The following NT5DC3 variants were observed in gnomAD, a reference collection of about 807,000 sequenced individuals.
NT5DC3 encodes the protein 5'-nucleotidase domain-containing protein 3.
Under a neutral mutation model 67.8 loss-of-function variants are expected in NT5DC3, and 42 were observed. That is an observed-to-expected ratio of 0.62 (90% confidence interval 0.48 to 0.80). The LOEUF is 0.80. Ranked by LOEUF, NT5DC3 falls within the 30% of genes least tolerant of loss-of-function variation. The probability of loss-of-function intolerance (pLI) is 0.00; values close to 1 mark genes in which losing one functional copy is unlikely to be tolerated. For synonymous variants in NT5DC3, 237 were observed against 255.6 expected, an observed-to-expected ratio of 0.93 and a Z score of 0.69; for missense variants, 570 against 696.4, an observed-to-expected ratio of 0.82 and a Z score of 2.04.
downstream of NT5DC3, chr12:103,771,162 G>C (rs1018378989): frequency 6.6e-6 from 1 of 152,196 alleles, no homozygotes; most frequent in Non-Finnish European, 1.5e-5. Flanking sequence ...TAATCTTCAT[G>C]GAAATGACCA....
intron 2 of NT5DC3, among the ~76,000 whole-genome samples, chr12:103,812,150 C>T (rs11111796): frequency 0.22 from 33,775 of 151,922 alleles, 4,302 homozygotes; most frequent in South Asian, 0.44. Context: ...AGGGTAATTA[C>T]GAAGGAGCTG....
At chr12:103,799,193 G>A (rs1239219290) in intron 4 of NT5DC3, among the ~76,000 whole-genome samples, 1 of 152,112 alleles carries the variant, frequency 6.6e-6, no homozygotes, top group Admixed American at 6.5e-5. Context: ...TAATACATTA[G>A]GGCAGAGAAA....
chr12:103,792,592 C>T (rs1566105537), intron 9 of NT5DC3, among the ~76,000 whole-genome samples: 1 of 152,254 alleles, frequency 6.6e-6, no homozygotes, highest in East Asian at 1.9e-4. Flanking sequence ...TTCCCTGATC[C>T]CTACCCACTA....
chr12:103,763,999 T>C, the NT5DC3 span, among the ~76,000 whole-genome samples: 2 of 151,770 alleles, frequency 1.3e-5, no homozygotes, highest in Admixed American at 6.6e-5. Flanking sequence ...TTTTTTTTTT[T>C]CTTTGAGATG....
the NT5DC3 span, chr12:103,762,384 C>A: frequency 2.5e-6 from 4 of 1,614,238 alleles, no homozygotes; most frequent in African/African-American, 1.3e-5. Context: ...GGAGAACAAT[C>A]GGCTTCCAGC....
downstream of NT5DC3, among the ~76,000 whole-genome samples, chr12:103,771,927 T>C (rs1355351594): frequency 2.0e-5 from 3 of 152,070 alleles, no homozygotes; most frequent in Non-Finnish European, 4.4e-5. Flanking sequence ...ACAGATTTGC[T>C]AGTGAGTCCA....
chr12:103,794,295 G>C (rs956160201), intron 6 of NT5DC3, among the ~76,000 whole-genome samples: 1 of 88,440 alleles, frequency 1.1e-5, no homozygotes, highest in African/African-American at 3.7e-5. Flanking sequence ...GATTACAGGC[G>C]CCCGCCAGCA....
In NT5DC3 at chr12:103,782,893, G is replaced by C. The variant is rs144181386; in HGVS notation, c.1329+2442C>G. Among the ~76,000 whole-genome samples the C allele has an allele frequency of 3.2e-3, 488 of 152,204 alleles. 4 individuals are homozygous for C. The highest frequency in any genetic ancestry group is 0.011 in the African/African-American group (462 of 41,530). ...CCCAGCTACTTGGGAGGCTGAGAGA[G>C]GAGAACTGCTTGAACCTGGGAGGTG... is the stretch of plus-strand genomic sequence containing the variant. On this transcript the variant is annotated intron_variant, in intron 12 of 13. Transcript: ENST00000392876.
At chr12:103,752,524 T>G in the NT5DC3 span, among the ~76,000 whole-genome samples, 1 of 152,224 alleles carries the variant, frequency 6.6e-6, no homozygotes, top group South Asian at 2.1e-4. Flanking sequence ...AGGAAAGGTA[T>G]CAGCTATGAA....
At chr12:103,754,183 C>T in the NT5DC3 span, among the ~76,000 whole-genome samples, 3 of 152,022 alleles carry the variant, frequency 2.0e-5, no homozygotes, top group Non-Finnish European at 4.4e-5. Context: ...GATGCCAGGA[C>T]CCAGACTCAA....
intron 1 of NT5DC3, among the ~76,000 whole-genome samples, chr12:103,817,051 A>G (rs1887291985): frequency 6.8e-6 from 1 of 146,044 alleles, no homozygotes; most frequent in Non-Finnish European, 1.5e-5. Flanking sequence ...GAAAAAAAAA[A>G]GAAAGAAAGC....
chr12:103,826,031 C>T (rs1489986582), intron 1 of NT5DC3, among the ~76,000 whole-genome samples: 3 of 152,168 alleles, frequency 2.0e-5, no homozygotes, highest in Admixed American at 2.0e-4. Context: ...TTAAACATTA[C>T]AAGGTAGGTC....
chr12:103,791,723 G>A (rs2139335879), intron 9 of NT5DC3, among the ~76,000 whole-genome samples: 1 of 152,336 alleles, frequency 6.6e-6, no homozygotes, highest in South Asian at 2.1e-4. Context: ...CGAGCGTCCA[G>A]TGGGTGAGAG....
the NT5DC3 span, chr12:103,761,541 A>G: frequency 1.3e-6 from 1 of 766,052 alleles, no homozygotes; most frequent in East Asian, 2.7e-5. Flanking sequence ...CCAGCCTCCA[A>G]CCTCCAAGGT....
Position 103,841,109 on chromosome 12 carries a change from C to A in NT5DC3, c.48G>T (p.Arg16Ser). 9.0e-7 allele frequency: 1 copy of A among 1,110,964 alleles called. No homozygotes were observed. Among genetic ancestry groups the A allele is most frequent in the South Asian group, 2.9e-5 (1 of 34,386 alleles). The allele number at this position is 1,110,964 out of a possible 1,614,324, so 68.8% of individuals were successfully genotyped here. The part of the protein sequence containing the change: ...AAVVARGAGA[R>S]AATAAALRGG... ...CCCGCAAAGCCGCCGCTGTCGCTGC[C>A]CTCGCCCCGGCCCCGCGTGCCACCA... The change falls in exon 1 of 14, where the codon AGG becomes AGT. Residue 16 changes from arginine (R) to serine (S), a missense_variant. Physicochemically the swap from Arg to Ser is moderately radical, Grantham distance 110. This residue lies in a region of NT5DC3 where 104 missense variants were observed against 88.4 expected (regional missense o/e 1.18). Transcript: ENST00000392876.
chr12:103,825,806 T>C (rs769233589), intron 1 of NT5DC3, among the ~76,000 whole-genome samples: 3 of 152,176 alleles, frequency 2.0e-5, no homozygotes, highest in Non-Finnish European at 2.9e-5. Context: ...GATCAAAAAA[T>C]AGGCAAACTC....
chr12:103,746,955 T>TC, the NT5DC3 span, among the ~76,000 whole-genome samples: 35,719 of 145,488 alleles, frequency 0.25, 5,616 homozygotes, highest in East Asian at 0.73. Context: ...CTTTCTTTTT[T>TC]TTTTTTTTTT....
the NT5DC3 span, chr12:103,746,508 G>A: frequency 5.8e-5 from 71 of 1,230,824 alleles, no homozygotes; most frequent in Middle Eastern, 7.6e-4. Context: ...CACAGTGGTC[G>A]TCCAGAGAGA....
intron 12 of NT5DC3, 85 bp downstream of exon 12, chr12:103,785,250 T>G: frequency 7.6e-7 from 1 of 1,321,574 alleles, no homozygotes; most frequent in East Asian, 2.3e-5. Flanking sequence ...TCATATTTTA[T>G]AACAATTAAG....
Sources: gnomAD v4.1 joint callset for allele counts (sites outside exome capture counted in the v4.1 genomes callset) on GRCh38, gnomAD v4.1.1 for gene constraint, gnomAD v4.1.1 regional missense constraint, MANE v1.5 for transcripts, NCBI Gene and HGNC (gene_info 2026-07-23, HGNC 2026-07-21) for gene names.